Variants in LRCH4 observed in about 807,000 individuals in gnomAD.
LRCH4 encodes the protein leucine rich repeats and calponin homology domain containing 4.
A neutral mutation model predicts 81.2 loss-of-function variants in LRCH4; 56 were observed. The observed-to-expected ratio is 0.69, with a 90% CI of 0.56 to 0.86. The LOEUF is 0.86. Among genes scored for constraint, LRCH4 ranks in the 40% least tolerant of loss-of-function variants. The pLI, the probability that LRCH4 is intolerant of heterozygous loss-of-function variation, is 0.00. For synonymous variants in LRCH4, 442 were observed against 409.7 expected, an observed-to-expected ratio of 1.08 and a Z score of -0.95; for missense variants, 895 against 922.8, an observed-to-expected ratio of 0.97 and a Z score of 0.39.
At position 100,578,423 on chromosome 7, in the gene LRCH4, G is replaced by C. The variant is rs1383283071; in HGVS notation, c.824C>G (p.Ser275Cys). ...CCAGGGACTGAAACTCGGGGGCCGAGAAGGGGCCAGGTCCCCCAGGGCCGA... is the reference window on the plus strand; with the variant it reads ...CCAGGGACTGAAACTCGGGGGCCGACAAGGGGCCAGGTCCCCCAGGGCCGA... ...RGSALGDLAPSRPPSFSPCPA... is the reference protein window; with the variant it reads ...RGSALGDLAPCRPPSFSPCPA... The change falls in exon 6 of 18, where the codon TCT (serine) becomes TGT (cysteine). Residue 275 changes from serine (S) to cysteine (C), a missense_variant. Around this residue, in one of 3 missense-constraint regions of LRCH4, gnomAD observed 360 missense variants for 397.0 expected, o/e 0.91. Coordinates refer to ENST00000310300, the MANE Select transcript of LRCH4 (RefSeq NM_002319.5). This position sits in a 1 kb window ranked among gnomAD's most constrained non-coding sequence, Gnocchi z 5.7. 6.2e-7 allele frequency: 1 copy of C among 1,613,930 alleles called. No individual in the cohort carries two copies. Among genetic ancestry groups the C allele is most frequent in the Admixed American group, 1.7e-5 (1 of 59,994 alleles).
Position 100,583,751 on chromosome 7 carries a change from G to A in LRCH4, c.221-1292C>T, listed in dbSNP as rs1284212450. On this transcript the variant is annotated intron_variant, in intron 1 of 17. Transcript: ENST00000310300. This position sits in a 1 kb window ranked among gnomAD's most constrained non-coding sequence, Gnocchi z 4.3. ...TGGCCTCAGAGATGACCGTTCTGGA[G>A]AGGGTGGGGGGATGGCATTTGCCCC... Among the ~76,000 whole-genome samples the A allele has an allele frequency of 6.6e-6, 1 of 152,212 alleles. No individual in the cohort carries two copies. The highest frequency in any genetic ancestry group is 1.5e-5 in the Non-Finnish European group (1 of 68,038).
chr7:100,583,314 C>T lies in LRCH4; in HGVS notation c.221-855G>A, dbSNP rs1002969267. On this transcript the variant is annotated intron_variant, in intron 1 of 17. Coordinates refer to ENST00000310300, the MANE Select transcript of LRCH4 (RefSeq NM_002319.5). This position sits in a 1 kb window ranked among gnomAD's most constrained non-coding sequence, Gnocchi z 4.3. ...TGTGGGAGGGCCTGGGGTCTACAAT[C>T]GCCCTCTTATCTGGAGCACTGCCTT... Among the ~76,000 whole-genome samples the T allele has an allele frequency of 2.0e-5, 3 of 152,188 alleles. No individual in the cohort carries two copies. Among genetic ancestry groups the T allele is most frequent in the African/African-American group, 7.2e-5 (3 of 41,440 alleles).
Position 100,578,943 on chromosome 7 carries a change from C to G in LRCH4, c.599-157G>C. ...TCATTCCCCGGGAGAAACCTCCCTG[C>G]TCCTCTCTCCACATGATTCTGGTCC... On this transcript the variant is annotated intron_variant, in intron 4 of 17. Coordinates refer to ENST00000310300, the MANE Select transcript of LRCH4 (RefSeq NM_002319.5). The surrounding 1 kb of genome is among the most constrained non-coding windows in gnomAD (Gnocchi z 5.7). The G allele has an allele frequency of 1.4e-6, 1 of 692,816 alleles. No individual in the cohort carries two copies. Among genetic ancestry groups the G allele is most frequent in the Non-Finnish European group, 2.4e-6 (1 of 416,136 alleles). 42.9% of individuals were successfully genotyped at this position (692,816 alleles called of 1,614,324 possible). A position where few individuals can be genotyped will look rare whatever the true frequency, so the allele number is the denominator to read the frequency against.
Position 100,574,647 on chromosome 7 carries a change from C to G in LRCH4, c.*460G>C, listed in dbSNP as rs1040272294. On this transcript the variant is annotated 3_prime_UTR_variant, in exon 18 of 18. Coordinates refer to ENST00000310300, the MANE Select transcript of LRCH4 (RefSeq NM_002319.5). Reference sequence around the variant, plus strand: ...GCGCGCGCGCGCACACACACACACACAGGCAGGGCGGCCACGGTCTGTACA... The same window carrying G: ...GCGCGCGCGCGCACACACACACACAGAGGCAGGGCGGCCACGGTCTGTACA... 1.2e-5 allele frequency: 2 copies of G among 160,228 alleles called. No individual in the cohort carries two copies. Among genetic ancestry groups the G allele is most frequent in the East Asian group, 1.9e-4 (1 of 5,348 alleles). The allele number at this position is 160,228 out of a possible 1,614,324, so 9.9% of individuals were successfully genotyped here.
intron 13 of LRCH4, 58 bp downstream of exon 13, chr7:100,576,844 C>T: frequency 2.0e-6 from 3 of 1,538,366 alleles, no homozygotes; most frequent in Non-Finnish European, 2.6e-6. Context: ...GTGTCCCTCT[C>T]TCCCAACCAG....
chr7:100,578,335 T>A lies in LRCH4; in HGVS notation c.848+64A>T. ...CATCCTCCTGCCAGAAAGCAGGGGGTGCCTGGGGCCGGGAAGGGGCATTCA... is the reference window on the plus strand; with the variant it reads ...CATCCTCCTGCCAGAAAGCAGGGGGAGCCTGGGGCCGGGAAGGGGCATTCA... On this transcript the variant is annotated intron_variant, in intron 6 of 17. Coordinates refer to ENST00000310300, the MANE Select transcript of LRCH4 (RefSeq NM_002319.5). This position sits in a 1 kb window ranked among gnomAD's most constrained non-coding sequence, Gnocchi z 5.7. 6.9e-6 allele frequency: 11 copies of A among 1,598,158 alleles called. No homozygotes were observed. Among genetic ancestry groups the A allele is most frequent in the Non-Finnish European group, 8.6e-6 (10 of 1,165,852 alleles).
At position 100,577,641 on chromosome 7, in the gene LRCH4, G is replaced by T; in HGVS notation, c.1116+23C>A. On this transcript the variant is annotated intron_variant, in intron 9 of 17. Coordinates refer to ENST00000310300, the MANE Select transcript of LRCH4 (RefSeq NM_002319.5). The surrounding 1 kb of genome is among the most constrained non-coding windows in gnomAD (Gnocchi z 6.7). ...CCCTCCTCCAGCTCCCCTCCCTTGG[G>T]AGAGGCATAGCTGGGCTCTCACCTC... The T allele has an allele frequency of 6.2e-7, 1 of 1,613,150 alleles. No homozygotes were observed. The highest frequency in any genetic ancestry group is 8.5e-7 in the Non-Finnish European group (1 of 1,179,946).
At position 100,577,453 on chromosome 7, in the gene LRCH4, G is replaced by T; in HGVS notation, c.1178+44C>A. On this transcript the variant is annotated intron_variant, in intron 10 of 17. Coordinates refer to ENST00000310300, the MANE Select transcript of LRCH4 (RefSeq NM_002319.5). The surrounding 1 kb of genome is among the most constrained non-coding windows in gnomAD (Gnocchi z 6.7). ...GGTCAGGGAAGGAGGCGGTTGGGGG[G>T]TGGGAGGATCGGGCAGTGGCGTCAG... is the stretch of plus-strand genomic sequence containing the variant. The T allele has an allele frequency of 6.2e-7, 1 of 1,602,952 alleles. No individual in the cohort carries two copies. Among genetic ancestry groups the T allele is most frequent in the South Asian group, 1.1e-5 (1 of 91,080 alleles).
At chr7:100,581,074 C>T (rs998180911) in intron 4 of LRCH4, among the ~76,000 whole-genome samples, 2 of 152,204 alleles carry the variant, frequency 1.3e-5, no homozygotes, top group African/African-American at 4.8e-5. Context: ...CGGAGCATCC[C>T]GACTCAGGTG....
Position 100,574,235 on chromosome 7 carries a change from T to C in LRCH4, c.*872A>G. 5.5e-6 allele frequency: 1 copy of C among 182,352 alleles called. No individual in the cohort carries two copies. Among genetic ancestry groups the C allele is most frequent in the South Asian group, 6.9e-5 (1 of 14,456 alleles). 11.3% of individuals were successfully genotyped at this position (182,352 alleles called of 1,614,324 possible). ...GGGGTCCCGGGCGGGGTGGGCCCTGTGCCCCCACCTTCACCCCTAAGGCCG... is the reference window on the plus strand; with the variant it reads ...GGGGTCCCGGGCGGGGTGGGCCCTGCGCCCCCACCTTCACCCCTAAGGCCG... On this transcript the variant is annotated 3_prime_UTR_variant, in exon 18 of 18. Transcript: ENST00000310300.
At position 100,583,485 on chromosome 7, in the gene LRCH4, G is replaced by C. The variant is rs1446701279; in HGVS notation, c.221-1026C>G. On this transcript the variant is annotated intron_variant, in intron 1 of 17. Transcript: ENST00000310300. The surrounding 1 kb of genome is among the most constrained non-coding windows in gnomAD (Gnocchi z 4.3). ...CCGCGAGGCGGAGTCCCAGGCCACA[G>C]ACCTGGTGAGCTTCTCCAAGGGCCC... is the stretch of plus-strand genomic sequence containing the variant. 6.6e-6 allele frequency among the ~76,000 whole-genome samples: 1 copy of C among 152,206 alleles called. No homozygotes were observed. The highest frequency in any genetic ancestry group is 1.9e-4 in the East Asian group (1 of 5,182).
rs375508989 is a variant in LRCH4 at position 100,575,725 on chromosome 7, G to A, written c.1834C>T (p.Arg612Ter). Residue 612 changes from arginine to a stop codon, truncating the protein, a stop_gained, in exon 17 of 18, where the codon CGA (arginine) becomes TGA (stop). Coordinates refer to ENST00000310300, the MANE Select transcript of LRCH4 (RefSeq NM_002319.5). LOFTEE classifies it high-confidence loss of function. The surrounding 1 kb of genome is among the most constrained non-coding windows in gnomAD (Gnocchi z 5.3). ...CATACCTCAGGCACCCCCATTTTTC[G>A]ACAGGCTTCTAGAAAACTCTCCACA... Reference protein sequence around the residue: ...KNVESFLEACRKMGVPEADLC... With the variant: ...KNVESFLEAC 9 of 1,613,768 alleles carry A rather than the reference G, an allele frequency of 5.6e-6. No homozygotes were observed. Among genetic ancestry groups the A allele is most frequent in the African/African-American group, 2.7e-5 (2 of 74,892 alleles).
chr7:100,581,945 ATC>A (rs1801572935), intron 3 of LRCH4, 63 bp from the exon 4 acceptor site: 3 of 1,609,274 alleles, frequency 1.9e-6, no homozygotes, highest in Admixed American at 3.3e-5. Context: ...CCACCCTCCC[ATC>A]TCTGTCTTTG....
chr7:100,575,518 G>A lies in LRCH4; in HGVS notation c.1854+187C>T, dbSNP rs1158096696. ...GGACAAGATGGGGCCTGCAGGGCAG[G>A]GGATGTGTAGGACAGGTGACATGCA... On this transcript the variant is annotated intron_variant, in intron 17 of 17. Transcript: ENST00000310300. This position sits in a 1 kb window ranked among gnomAD's most constrained non-coding sequence, Gnocchi z 5.3. 1 of 869,662 alleles carries A rather than the reference G, an allele frequency of 1.1e-6. No homozygotes were observed. The highest frequency in any genetic ancestry group is 1.9e-6 in the Non-Finnish European group (1 of 517,688). 53.9% of individuals were successfully genotyped at this position (869,662 alleles called of 1,614,324 possible). A position where few individuals can be genotyped will look rare whatever the true frequency, so the allele number is the denominator to read the frequency against.
At position 100,578,893 on chromosome 7, in the gene LRCH4, C is replaced by T. The variant is rs968447450; in HGVS notation, c.599-107G>A. ...CTGGCCAGTCACCCTGGGCCCAGCACAGCCTCTCCCCTGGGTGGCTCAAGT... is the reference window on the plus strand; with the variant it reads ...CTGGCCAGTCACCCTGGGCCCAGCATAGCCTCTCCCCTGGGTGGCTCAAGT... On this transcript the variant is annotated intron_variant, in intron 4 of 17. Coordinates refer to ENST00000310300, the MANE Select transcript of LRCH4 (RefSeq NM_002319.5). The surrounding 1 kb of genome is among the most constrained non-coding windows in gnomAD (Gnocchi z 5.7). 8 of 1,238,216 alleles carry T rather than the reference C, an allele frequency of 6.5e-6. No homozygotes were observed. In the African/African-American group the frequency reaches 1.2e-4, roughly 19 times the overall value. 76.7% of individuals were successfully genotyped at this position (1,238,216 alleles called of 1,614,324 possible). A position where few individuals can be genotyped will look rare whatever the true frequency, so the allele number is the denominator to read the frequency against.
intron 14 of LRCH4, 92 bp downstream of exon 14, chr7:100,576,602 A>C: frequency 1.7e-6 from 2 of 1,144,408 alleles, no homozygotes; most frequent in Non-Finnish European, 2.5e-6. Context: ...CAAAAGGTAC[A>C]ACAGACCCAG....
At chr7:100,580,770 ACAC>A (rs1801522360) in intron 4 of LRCH4, 2 of 151,134 alleles carry the variant, frequency 1.3e-5, no homozygotes, top group East Asian at 1.9e-4. Flanking sequence ...ACAGACATAA[ACAC>A]AACACACGAA....
rs760541357 is a variant in LRCH4 at position 100,575,211 on chromosome 7, G to A, written c.1948C>T (p.Leu650=). ...CCAGAGGGGGGCCAGAGGGGCGGTA[G>A]GGCCTTGCCCCCCACCCGCTTCACG... The part of the protein sequence containing the change: ...EAVKRVGGKA[L]PPLWPPSGLG... Residue 650 remains leucine (L), a synonymous_variant, in exon 18 of 18, where the codon CTA becomes TTA. Transcript: ENST00000310300. This position sits in a 1 kb window ranked among gnomAD's most constrained non-coding sequence, Gnocchi z 5.3. 4.3e-6 allele frequency: 7 copies of A among 1,611,040 alleles called. No homozygotes were observed. Among genetic ancestry groups the A allele is most frequent in the Middle Eastern group, 1.7e-4 (1 of 6,010 alleles).
Position 100,577,099 on chromosome 7 carries a change from G to A in LRCH4, c.1351C>T (p.Gln451Ter). Residue 451 changes from glutamine to a stop codon, truncating the protein, a stop_gained, in exon 12 of 18, where the codon CAA becomes TAA. Coordinates refer to ENST00000310300, the MANE Select transcript of LRCH4 (RefSeq NM_002319.5). LOFTEE classifies it high-confidence loss of function. This position sits in a 1 kb window ranked among gnomAD's most constrained non-coding sequence, Gnocchi z 6.7. The stretch of plus-strand genomic sequence containing the variant: ...CAGGAAACCTACTTGTGCATGGCTT[G>A]AGTGGACACGGCGGCGGCCCCTCCC... ...VVGGAAAVSTQAMHNGSPKSS... is the reference protein window; with the variant it reads ...VVGGAAAVST 1 of 1,614,162 alleles carries A rather than the reference G, an allele frequency of 6.2e-7. No individual in the cohort carries two copies. Among genetic ancestry groups the A allele is most frequent in the Middle Eastern group, 1.6e-4 (1 of 6,062 alleles).
Sources: gnomAD v4.1 joint callset for allele counts (sites outside exome capture counted in the v4.1 genomes callset) on GRCh38, gnomAD v4.1.1 for gene constraint, gnomAD v4.1.1 regional missense constraint, Gnocchi (gnomAD v3.1) non-coding constraint, MANE v1.5 for transcripts, NCBI Gene and HGNC (gene_info 2026-07-23, HGNC 2026-07-21) for gene names.